The following KIF6 variants were observed in gnomAD, a reference collection of about 807,000 sequenced individuals.
KIF6 encodes the protein kinesin family member 6, also known as kinesin-like protein KIF6.
In KIF6, 106 loss-of-function variants were observed where a neutral mutation model predicts 112.7. That is an observed-to-expected ratio of 0.94 (90% confidence interval 0.80 to 1.11). KIF6 has a LOEUF of 1.11. Ranked by LOEUF, KIF6 falls within the 50% of genes least tolerant of loss-of-function variation. KIF6 has a pLI of 0.00. For synonymous variants in KIF6, 339 were observed against 339.9 expected, an observed-to-expected ratio of 1.00 and a Z score of 0.03; for missense variants, 929 against 964.0, an observed-to-expected ratio of 0.96 and a Z score of 0.48.
At chr6:39,336,920 CCCTTTCTCTTCT>C (rs1279382717) in intron 22 of KIF6, among the ~76,000 whole-genome samples, 2,169 of 142,944 alleles carry the variant, frequency 0.015, 41 homozygotes, top group African/African-American at 0.058. Flanking sequence ...TCCCTTTCTT[CCCTTTCTCTTCT>C]TTCTTTCTTT....
At chr6:39,420,075 CT>C (rs1554212519) in intron 14 of KIF6, 72 bp from the exon 15 acceptor site, 1 of 1,044,486 alleles carries the variant, frequency 9.6e-7, no homozygotes, top group Non-Finnish European at 1.5e-6. Context: ...TAATAGATTT[CT>C]TAGAGGTCAC....
intron 3 of KIF6, among the ~76,000 whole-genome samples, chr6:39,676,741 A>C (rs1456417675): frequency 6.6e-6 from 1 of 152,142 alleles, no homozygotes; most frequent in Non-Finnish European, 1.5e-5. Context: ...ATAGCCACTA[A>C]AAGAAAAGAA....
chr6:39,425,205 G>A (rs2150372112), intron 14 of KIF6, among the ~76,000 whole-genome samples: 1 of 152,256 alleles, frequency 6.6e-6, no homozygotes, highest in South Asian at 2.1e-4. Flanking sequence ...GAGAATGGTG[G>A]GCCAATATGT....
At chr6:39,590,402 T>C (rs1781867122) in intron 7 of KIF6, among the ~76,000 whole-genome samples, 1 of 147,016 alleles carries the variant, frequency 6.8e-6, no homozygotes, top group Non-Finnish European at 1.5e-5. Flanking sequence ...CTTGATGATA[T>C]ATATATATGT....
In KIF6 at chr6:39,362,461, C is replaced by T. The variant is rs188790180; in HGVS notation, c.1919G>A (p.Arg640Gln). The T allele has an allele frequency of 3.3e-5, 54 of 1,614,016 alleles. No individual in the cohort carries two copies. Among genetic ancestry groups the T allele is most frequent in the South Asian group, 3.1e-4 (28 of 91,066 alleles). The change falls in exon 17 of 23, where the codon CGA (arginine) becomes CAA (glutamine). Residue 640 changes from arginine (R) to glutamine (Q), a missense_variant. Physicochemically the swap from Arg to Gln is conservative, Grantham distance 43. Around this residue, in one of 2 missense-constraint regions of KIF6, gnomAD observed 241 missense variants for 301.4 expected, o/e 0.80. Coordinates refer to ENST00000287152, the MANE Select transcript of KIF6 (RefSeq NM_145027.6). ...TCTCTTTTCTTCCTCCAGTTGTGAT[C>T]GCAGCTTCTCCTCCTGCTGGTCTGG... ...LMPDQQEEKL[R>Q]SQLEEEKRRY...
At chr6:39,550,033 G>A (rs1779280578) in intron 10 of KIF6, among the ~76,000 whole-genome samples, 1 of 151,956 alleles carries the variant, frequency 6.6e-6, no homozygotes, top group South Asian at 2.1e-4. Flanking sequence ...AGTTGTCTTT[G>A]GCTCAAGAAC....
intron 13 of KIF6, among the ~76,000 whole-genome samples, chr6:39,437,023 G>C (rs978290439): frequency 1.5e-5 from 2 of 130,454 alleles, no homozygotes; most frequent in Non-Finnish European, 3.1e-5. Context: ...CCATTTGTTT[G>C]TGTCATCTAT....
Position 39,389,030 on chromosome 6 carries a change from C to T in KIF6, c.1811-3358G>A, listed in dbSNP as rs79344089. On this transcript the variant is annotated intron_variant, in intron 15 of 22. Transcript: ENST00000287152. ...TTAATTGATGGATTGTGGGTGGCAG[C>T]GGGGAGCAGAGCTTACAGCAATCCA... 5.8e-3 allele frequency among the ~76,000 whole-genome samples: 884 copies of T among 152,230 alleles called. 11 individuals are homozygous for T. The highest frequency in any genetic ancestry group is 0.02 in the African/African-American group (823 of 41,548).
chr6:39,390,502 G>A (rs1767791251), intron 15 of KIF6, among the ~76,000 whole-genome samples: 1 of 152,178 alleles, frequency 6.6e-6, no homozygotes, highest in Non-Finnish European at 1.5e-5. Flanking sequence ...GGACAATAAT[G>A]CAGAGGCCAA....
chr6:39,626,899 G>GA (rs1197068684), intron 5 of KIF6, among the ~76,000 whole-genome samples: 4 of 151,990 alleles, frequency 2.6e-5, no homozygotes, highest in Non-Finnish European at 5.9e-5. Flanking sequence ...TAGTTCCTTT[G>GA]TTTTTTTACT....
At chr6:39,544,018 G>C (rs1778934978) in intron 12 of KIF6, among the ~76,000 whole-genome samples, 1 of 152,224 alleles carries the variant, frequency 6.6e-6, no homozygotes, top group Non-Finnish European at 1.5e-5. Flanking sequence ...ACTCAAAGCA[G>C]TAGATCTGGC....
chr6:39,340,587 G>C (rs1763273734), intron 22 of KIF6, among the ~76,000 whole-genome samples: 1 of 152,170 alleles, frequency 6.6e-6, no homozygotes, highest in South Asian at 2.1e-4. Context: ...TCTTGGCCCT[G>C]CATGCCTTAC....
At position 39,358,030 on chromosome 6, in the gene KIF6, G is replaced by A. The variant is rs201152028; in HGVS notation, c.2083-656C>T. On this transcript the variant is annotated intron_variant, in intron 18 of 22. Coordinates refer to ENST00000287152, the MANE Select transcript of KIF6 (RefSeq NM_145027.6). Reference sequence around the variant, plus strand: ...ATACTTTCTGGTTTTGCTTCTCCTTGTCCCAAAGACCCCCTACTAAAGTCA... The same window carrying A: ...ATACTTTCTGGTTTTGCTTCTCCTTATCCCAAAGACCCCCTACTAAAGTCA... Among the ~76,000 whole-genome samples the A allele has an allele frequency of 2.0e-5, 3 of 152,198 alleles. No individual in the cohort carries two copies. In the East Asian group the frequency reaches 5.8e-4, roughly 29 times the overall value.
At chr6:39,569,354 T>A (rs556035292) in intron 10 of KIF6, among the ~76,000 whole-genome samples, 4 of 152,328 alleles carry the variant, frequency 2.6e-5, no homozygotes, top group East Asian at 1.9e-4. Flanking sequence ...TTTAAAATAG[T>A]CTGAGGATCA....
At chr6:39,590,453 T>TTA (rs1561842734) in intron 7 of KIF6, among the ~76,000 whole-genome samples, 1 of 119,362 alleles carries the variant, frequency 8.4e-6, no homozygotes, top group African/African-American at 3.4e-5. Flanking sequence ...ATATATATAT[T>TTA]TTTTTTTTTT....
chr6:39,711,787 T>TTAA (rs948033095), intron 3 of KIF6, among the ~76,000 whole-genome samples: 1 of 151,974 alleles, frequency 6.6e-6, no homozygotes, highest in Non-Finnish European at 1.5e-5. Context: ...TTAATAAAAA[T>TTAA]TAATAATAAT....
At chr6:39,664,559 A>C (rs961824653) in intron 3 of KIF6, among the ~76,000 whole-genome samples, 1 of 152,224 alleles carries the variant, frequency 6.6e-6, no homozygotes, top group Non-Finnish European at 1.5e-5. Flanking sequence ...TGAATTAGAT[A>C]TGTAAAGAAG....
intron 10 of KIF6, among the ~76,000 whole-genome samples, chr6:39,574,960 T>A (rs1319737992): frequency 6.6e-6 from 1 of 152,204 alleles, no homozygotes; most frequent in Non-Finnish European, 1.5e-5. Flanking sequence ...ACAACTATAT[T>A]TTTTCATTTC....
chr6:39,521,429 G>A (rs1777395827), intron 13 of KIF6, among the ~76,000 whole-genome samples: 1 of 152,064 alleles, frequency 6.6e-6, no homozygotes, highest in African/African-American at 2.4e-5. Context: ...TCCAACTTAG[G>A]AATGACCCAT....
Sources: allele counts gnomAD v4.1 joint callset (sites outside exome capture counted in the v4.1 genomes callset), GRCh38; gene constraint gnomAD v4.1.1; regional missense constraint gnomAD v4.1.1; transcripts MANE v1.5; gene names NCBI Gene and HGNC (gene_info 2026-07-23, HGNC 2026-07-21).